The following ARHGAP26 variants were observed in gnomAD, a reference collection of about 807,000 sequenced individuals.
ARHGAP26 encodes rho GTPase-activating protein 26.
ARHGAP26 carries 38 observed loss-of-function variants against 104.8 expected under a neutral mutation model. That is an observed-to-expected ratio of 0.36 (90% confidence interval 0.28 to 0.48). The LOEUF (loss-of-function observed/expected upper bound fraction) is 0.48. Ranked by LOEUF, ARHGAP26 falls within the 20% of genes least tolerant of loss-of-function variation. The probability of loss-of-function intolerance (pLI) is 0.99; values close to 1 mark genes in which losing one functional copy is unlikely to be tolerated. For missense variants in ARHGAP26, 704 were observed against 947.9 expected, an observed-to-expected ratio of 0.74 and a Z score of 3.38; for synonymous variants, 341 against 340.0, an observed-to-expected ratio of 1.00 and a Z score of -0.03.
intron 6 of ARHGAP26, among the ~76,000 whole-genome samples, chr5:142,896,047 T>G (rs752229635): frequency 6.6e-6 from 1 of 152,182 alleles, no homozygotes; most frequent in Non-Finnish European, 1.5e-5. Context: ...TCCCCATCTT[T>G]CCACAGGGTC....
At chr5:143,095,987 CT>C (rs35680556) in intron 17 of ARHGAP26, among the ~76,000 whole-genome samples, 9 of 152,058 alleles carry the variant, frequency 5.9e-5, no homozygotes, top group African/African-American at 2.2e-4. Context: ...TTTGGATATT[CT>C]TTTTTTAAAA....
At chr5:142,914,651 G>C (rs1253213573) in intron 10 of ARHGAP26, among the ~76,000 whole-genome samples, 1 of 152,188 alleles carries the variant, frequency 6.6e-6, no homozygotes, top group Admixed American at 6.5e-5. Context: ...ATCCTTTACT[G>C]TGTGTAGAGG....
intron 1 of ARHGAP26, among the ~76,000 whole-genome samples, chr5:142,815,759 GCTAGC>G: frequency 6.6e-6 from 1 of 152,100 alleles, no homozygotes; most frequent in East Asian, 1.9e-4. Context: ...ACTTTCCCCG[GCTAGC>G]CTTCCTGGTC....
At chr5:143,122,972 A>T (rs1562467070) in intron 18 of ARHGAP26, among the ~76,000 whole-genome samples, 1 of 152,204 alleles carries the variant, frequency 6.6e-6, no homozygotes, top group Non-Finnish European at 1.5e-5. Context: ...TTACTTACTG[A>T]TTAGATCCAT....
intron 1 of ARHGAP26, among the ~76,000 whole-genome samples, chr5:142,847,362 CTT>C (rs34846420): frequency 1.4e-5 from 2 of 145,524 alleles, no homozygotes; most frequent in Admixed American, 6.9e-5. Context: ...ATGGAGATGT[CTT>C]TTTTTTTTTT....
chr5:143,078,753 A>G (rs574048071), intron 17 of ARHGAP26, among the ~76,000 whole-genome samples: 4 of 152,362 alleles, frequency 2.6e-5, no homozygotes, highest in Admixed American at 6.5e-5. Flanking sequence ...CCTGTGTCCA[A>G]CTGTGGTGAA....
At chr5:142,909,214 G>A (rs1386347705) in intron 9 of ARHGAP26, among the ~76,000 whole-genome samples, 1 of 152,050 alleles carries the variant, frequency 6.6e-6, no homozygotes, top group Non-Finnish European at 1.5e-5. Flanking sequence ...TTGAGTCTCT[G>A]GACTGTATTC....
intron 1 of ARHGAP26, among the ~76,000 whole-genome samples, chr5:142,789,442 G>A (rs1759344932): frequency 6.6e-6 from 1 of 152,156 alleles, no homozygotes; most frequent in South Asian, 2.1e-4. Flanking sequence ...ACAAGATTCT[G>A]CAATCTTTTC....
At chr5:143,018,217 A>G (rs913654938) in intron 12 of ARHGAP26, among the ~76,000 whole-genome samples, 4 of 152,156 alleles carry the variant, frequency 2.6e-5, no homozygotes, top group Admixed American at 6.5e-5. Flanking sequence ...TGATATGTAA[A>G]AAGTTCCTAC....
At chr5:143,125,589 C>T (rs1340729231) in intron 18 of ARHGAP26, among the ~76,000 whole-genome samples, 2 of 152,150 alleles carry the variant, frequency 1.3e-5, no homozygotes, top group Non-Finnish European at 2.9e-5. Context: ...TAGGAGGAGA[C>T]AGAGAGGAAA....
At chr5:142,902,078 A>G (rs1386009915) in intron 7 of ARHGAP26, 39 bp downstream of exon 7, 7 of 1,569,088 alleles carry the variant, frequency 4.5e-6, no homozygotes, top group Non-Finnish European at 6.1e-6. Context: ...TATCTGGTTA[A>G]GGAAAAACAA....
chr5:143,070,178 A>G (rs1354513960), intron 17 of ARHGAP26, among the ~76,000 whole-genome samples: 1 of 152,190 alleles, frequency 6.6e-6, no homozygotes, highest in Non-Finnish European at 1.5e-5. Flanking sequence ...TCTCTGTATT[A>G]AAAGATAATC....
chr5:142,853,030 A>T (rs1751798259), intron 1 of ARHGAP26, among the ~76,000 whole-genome samples: 1 of 152,098 alleles, frequency 6.6e-6, no homozygotes, highest in African/African-American at 2.4e-5. Context: ...AAGGTGGAGG[A>T]AGTACTGATG....
At chr5:142,989,250 C>T (rs551971565) in intron 11 of ARHGAP26, among the ~76,000 whole-genome samples, 1 of 152,234 alleles carries the variant, frequency 6.6e-6, no homozygotes, top group East Asian at 1.9e-4. Context: ...ATGTAATGGC[C>T]TTCTTTGTCT....
chr5:142,771,057 A>G (rs946432857), intron 1 of ARHGAP26, 142 bp downstream of exon 1: 19 of 1,382,634 alleles, frequency 1.4e-5, no homozygotes, highest in Non-Finnish European at 1.8e-5. Flanking sequence ...CCGAGGCAGG[A>G]AGGATACGTA....
chr5:143,099,105 T>C (rs1042867213), intron 17 of ARHGAP26, among the ~76,000 whole-genome samples: 1 of 152,250 alleles, frequency 6.6e-6, no homozygotes, highest in Non-Finnish European at 1.5e-5. Flanking sequence ...TTATCTTTTC[T>C]GCTGGACAGA....
chr5:142,947,915 G>T (rs572695958), intron 11 of ARHGAP26, among the ~76,000 whole-genome samples: 1 of 152,304 alleles, frequency 6.6e-6, no homozygotes, highest in South Asian at 2.1e-4. Context: ...AGCTGCTCGG[G>T]AGTGTGAAGC....
intron 18 of ARHGAP26, among the ~76,000 whole-genome samples, chr5:143,126,083 A>G (rs1475507158): frequency 6.6e-6 from 1 of 152,240 alleles, no homozygotes; most frequent in Non-Finnish European, 1.5e-5. Flanking sequence ...AGATAGAACT[A>G]ACTATAATAC....
intron 1 of ARHGAP26, among the ~76,000 whole-genome samples, chr5:142,802,561 G>C (rs577883925): frequency 3.9e-5 from 6 of 152,324 alleles, no homozygotes; most frequent in Admixed American, 3.3e-4. Flanking sequence ...TAAAGTTGCA[G>C]TTTCCAAGAA....
Sources: gnomAD v4.1 joint callset for allele counts (sites outside exome capture counted in the v4.1 genomes callset) on GRCh38, gnomAD v4.1.1 for gene constraint, MANE v1.5 for transcripts, NCBI Gene and HGNC (gene_info 2026-07-23, HGNC 2026-07-21) for gene names.